Variants in RTN2 observed in about 807,000 individuals in gnomAD.
RTN2 encodes the protein reticulon 2.
RTN2 carries 36 observed loss-of-function variants against 63.7 expected under a neutral mutation model. That is an observed-to-expected ratio of 0.56 (90% confidence interval 0.43 to 0.75). The LOEUF is 0.75. Among genes scored for constraint, RTN2 ranks in the 30% least tolerant of loss-of-function variants. RTN2 has a pLI of 0.00. For synonymous variants in RTN2, 312 were observed against 313.0 expected, an observed-to-expected ratio of 1.00 and a Z score of 0.03; for missense variants, 673 against 705.1, an observed-to-expected ratio of 0.95 and a Z score of 0.52.
rs1008693109 is a variant in RTN2 at position 45,485,454 on chromosome 19, G to A, written c.*254C>T. On this transcript the variant is annotated 3_prime_UTR_variant, in exon 11 of 11. Coordinates refer to ENST00000245923, the MANE Select transcript of RTN2 (RefSeq NM_005619.5). ...AAGTGCAGGGTGGTGCCCTGTCTAG[G>A]CAACTACAAGTCCCAGCAGGCCCCG... The A allele has an allele frequency of 1.4e-4, 73 of 540,332 alleles. 1 individual carries two copies. The East Asian group carries it at 1.9e-3, about 14-fold the overall frequency. The allele number at this position is 540,332 out of a possible 1,614,324, so 33.5% of individuals were successfully genotyped here. A position where few individuals can be genotyped will look rare whatever the true frequency, so the allele number is the denominator to read the frequency against.
Position 45,487,088 on chromosome 19 carries a change from G to GC in RTN2, c.1498-976dup, listed in dbSNP as rs1968042667. Among the ~76,000 whole-genome samples the GC allele has an allele frequency of 3.8e-5, 5 of 131,198 alleles. No individual in the cohort carries two copies. The South Asian group carries it at 1.2e-3, about 31-fold the overall frequency. The allele number at this position is 131,198 out of a possible 152,430, so 86.1% of individuals were successfully genotyped here. On this transcript the variant is annotated intron_variant, in intron 9 of 10. Coordinates refer to ENST00000245923, the MANE Select transcript of RTN2 (RefSeq NM_005619.5). Reference sequence around the variant, plus strand: ...GATAGGGTCTTGCTCTGTTGCCCAGGCTGGAGTGCAGTGGCATGATCACAG... The same window carrying GC: ...GATAGGGTCTTGCTCTGTTGCCCAGGCCTGGAGTGCAGTGGCATGATCACAG...
intron 9 of RTN2, among the ~76,000 whole-genome samples, chr19:45,486,516 G>T (rs1968024444): frequency 6.6e-6 from 1 of 151,710 alleles, no homozygotes; most frequent in South Asian, 2.1e-4. Context: ...TTATTTATTT[G>T]TATTTATTTT....
At position 45,494,309 on chromosome 19, in the gene RTN2, G is replaced by A. The variant is rs1357825111; in HGVS notation, c.671C>T (p.Ser224Leu). 6 of 1,613,970 alleles carry A rather than the reference G, an allele frequency of 3.7e-6. No homozygotes were observed. The South Asian group carries it at 5.5e-5, about 15-fold the overall frequency. Residue 224 changes from serine (S) to leucine (L), a missense_variant, in exon 4 of 11, where the codon TCG (serine) becomes TTG (leucine). Ser to Leu is a moderately radical substitution (Grantham distance 145). Transcript: ENST00000245923. This position sits in a 1 kb window ranked among gnomAD's most constrained non-coding sequence, Gnocchi z 5.3. The part of the protein sequence containing the change: ...PQAGTPSPSR[S>L]RDSNSGPEEP... ...TTCGGGCCCAGAGTTCGAATCTCGC[G>A]ATCGGGATGGGGACGGAGTACCGGC...
intron 5 of RTN2, among the ~76,000 whole-genome samples, chr19:45,490,607 C>T (rs936919058): frequency 6.6e-6 from 1 of 150,890 alleles, no homozygotes; most frequent in Non-Finnish European, 1.5e-5. Flanking sequence ...GACGGATTCT[C>T]GCTCTATTGC....
chr19:45,494,626 TC>T lies in RTN2; in HGVS notation c.458del (p.Gly153GlufsTer51). 2 of 1,613,836 alleles carry T rather than the reference TC, an allele frequency of 1.2e-6. No homozygotes were observed. Among genetic ancestry groups the T allele is most frequent in the Non-Finnish European group, 8.5e-7 (1 of 1,180,010 alleles). On this transcript the variant is annotated frameshift_variant, in exon 3 of 11. Coordinates refer to ENST00000245923, the MANE Select transcript of RTN2 (RefSeq NM_005619.5). LOFTEE classifies it high-confidence loss of function. The surrounding 1 kb of genome is among the most constrained non-coding windows in gnomAD (Gnocchi z 5.3). ...TGGAAGAGTCCTCCCCGGATCCCGT[TC>T]CCCGGGCCACCCAGCCCAGATGGTC... ...RLDHLGWVAR[G>X]TGSGEDSSTS... is the part of the protein sequence containing the mutation.
chr19:45,494,444 C>G lies in RTN2; in HGVS notation c.560-24G>C, dbSNP rs1458248520. ...TTCTGATACGGTAGAGAGAGGAGGC[C>G]GTGAGCTTTCTTCTTGGAGGTGCCC... On this transcript the variant is annotated intron_variant, in intron 3 of 10. Transcript: ENST00000245923. The surrounding 1 kb of genome is among the most constrained non-coding windows in gnomAD (Gnocchi z 5.3). The G allele has an allele frequency of 3.1e-6, 5 of 1,604,668 alleles. No individual in the cohort carries two copies. The African/African-American group carries it at 6.7e-5, about 22-fold the overall frequency.
rs778762660 is a variant in RTN2, at chr19:45,489,423, G to A, written c.1164C>T (p.Leu388=). 5.0e-6 allele frequency: 8 copies of A among 1,608,962 alleles called. No individual in the cohort carries two copies. In the East Asian group the frequency reaches 1.8e-4, roughly 36 times the overall value. ...SVAAHLALLL[L]CGTISLRVYR... ...AAACCCTGAGAGAGATGGTGCCGCA[G>A]AGCAGCAACAGAGCCAAGTGCGCGG... Residue 388 remains leucine, a synonymous_variant, in exon 6 of 11, where the codon CTC becomes CTT. Coordinates refer to ENST00000245923, the MANE Select transcript of RTN2 (RefSeq NM_005619.5).
chr19:45,487,942 C>CA (rs1310199487), intron 9 of RTN2, among the ~76,000 whole-genome samples: 2,211 of 67,094 alleles, frequency 0.033, 68 homozygotes, highest in East Asian at 0.12. Flanking sequence ...GACTCCATCT[C>CA]AAAAAAAAAA....
intron 5 of RTN2, among the ~76,000 whole-genome samples, chr19:45,492,856 G>A (rs1291310986): frequency 6.6e-6 from 1 of 152,186 alleles, no homozygotes; most frequent in African/African-American, 2.4e-5. Flanking sequence ...GCACGCTGGG[G>A]GGAGGGGGCC....
intron 5 of RTN2, among the ~76,000 whole-genome samples, 196 bp downstream of exon 5, chr19:45,492,964 T>C (rs1968192089): frequency 1.3e-5 from 2 of 152,182 alleles, no homozygotes; most frequent in Non-Finnish European, 2.9e-5. Context: ...GGCCCCAAAG[T>C]GCTGGCTCGA....
At chr19:45,496,544 C>A in intron 1 of RTN2, 1 of 361,518 alleles carries the variant, frequency 2.8e-6, no homozygotes, top group East Asian at 4.0e-5. Context: ...GGCGGTACGT[C>A]CCAGAGCGCA....
chr19:45,487,586 T>TA (rs1968053608), intron 9 of RTN2, among the ~76,000 whole-genome samples: 1 of 91,272 alleles, frequency 1.1e-5, no homozygotes, highest in African/African-American at 3.8e-5. Context: ...TTTTTTGGTT[T>TA]TTTTTTTTTT....
Position 45,494,095 on chromosome 19 carries a change from C to T in RTN2, c.814+71G>A. The T allele has an allele frequency of 6.4e-7, 1 of 1,567,174 alleles. No homozygotes were observed. The highest frequency in any genetic ancestry group is 2.2e-5 in the East Asian group (1 of 44,608). On this transcript the variant is annotated intron_variant, in intron 4 of 10. Coordinates refer to ENST00000245923, the MANE Select transcript of RTN2 (RefSeq NM_005619.5). This position sits in a 1 kb window ranked among gnomAD's most constrained non-coding sequence, Gnocchi z 5.3. ...GTACTGTTCCTTTGCGAGGTTGGTC[C>T]CTTTAATTCAAAATCCTCTCACCTT... is the stretch of plus-strand genomic sequence containing the variant.
chr19:45,496,845 T>G lies in RTN2; in HGVS notation c.-20A>C. The G allele has an allele frequency of 6.8e-7, 1 of 1,465,904 alleles. No individual in the cohort carries two copies. Among genetic ancestry groups the G allele is most frequent in the Non-Finnish European group, 9.1e-7 (1 of 1,095,952 alleles). 90.8% of individuals were successfully genotyped at this position (1,465,904 alleles called of 1,614,324 possible). ...CCCCATGGCCCCCCTCGGGCCTGCA[T>G]CGGGACCCCCGCCCACTCCGGCTGT... On this transcript the variant is annotated 5_prime_UTR_variant, in exon 1 of 11. It removes an upstream start codon present in the reference 5' UTR. Transcript: ENST00000245923.
Position 45,485,592 on chromosome 19 carries a change from C to T in RTN2, c.*116G>A. ...TCCCTAGTGGGAGTGATCCTGACAC[C>T]CACCGGGAAAAGGCTCGGGCCGAGG... On this transcript the variant is annotated 3_prime_UTR_variant, in exon 11 of 11. Coordinates refer to ENST00000245923, the MANE Select transcript of RTN2 (RefSeq NM_005619.5). 1.2e-6 allele frequency: 1 copy of T among 806,574 alleles called. No homozygotes were observed. The highest frequency in any genetic ancestry group is 1.4e-5 in the South Asian group (1 of 69,114). 50.0% of individuals were successfully genotyped at this position (806,574 alleles called of 1,614,324 possible).
chr19:45,496,800 G>A lies in RTN2; in HGVS notation c.26C>T (p.Ala9Val). 6.6e-7 allele frequency: 1 copy of A among 1,520,876 alleles called. No individual in the cohort carries two copies. The allele number at this position is 1,520,876 out of a possible 1,614,324, so 94.2% of individuals were successfully genotyped here. Residue 9 changes from alanine to valine, a missense_variant, in exon 1 of 11, where the codon GCC becomes GTC. Transcript: ENST00000245923. The part of the protein sequence containing the change: MGQVLPVF[A>V]HCKEAPSTAS... ...AGTCTTCCTCTACTCACTGCAGTGG[G>A]CGAAGACCGGCAGGACCTGCCCCAT...
chr19:45,490,202 A>G (rs1184242072), intron 5 of RTN2, among the ~76,000 whole-genome samples: 2 of 151,502 alleles, frequency 1.3e-5, no homozygotes, highest in African/African-American at 4.9e-5. Flanking sequence ...GGGTTTCACC[A>G]TGTTGGTCAG....
chr19:45,491,206 T>A (rs1445096919), intron 5 of RTN2, among the ~76,000 whole-genome samples: 9 of 151,442 alleles, frequency 5.9e-5, no homozygotes, highest in African/African-American at 1.2e-4. Context: ...TTTTTTTTTT[T>A]ATTTTTAGAG....
chr19:45,488,116 G>A (rs1285519652), intron 9 of RTN2, among the ~76,000 whole-genome samples: 1 of 152,006 alleles, frequency 6.6e-6, no homozygotes, highest in Non-Finnish European at 1.5e-5. Flanking sequence ...AGCCGGGCAC[G>A]GTGGCCATAT....
Sources: gnomAD v4.1 joint callset for allele counts (sites outside exome capture counted in the v4.1 genomes callset) on GRCh38, gnomAD v4.1.1 for gene constraint, Gnocchi (gnomAD v3.1) non-coding constraint, MANE v1.5 for transcripts, NCBI Gene and HGNC (gene_info 2026-07-23, HGNC 2026-07-21) for gene names.